Variants in HPGD observed in about 807,000 individuals in gnomAD.
HPGD encodes the protein 15-hydroxyprostaglandin dehydrogenase [NAD(+)].
HPGD carries 29 observed loss-of-function variants against 30.0 expected under a neutral mutation model. The ratio of observed to expected loss-of-function variants is 0.97; its 90% CI spans 0.72 to 1.32. The LOEUF is 1.32. HPGD is among the 40% of genes most tolerant of loss of function. The pLI is 0.00. For synonymous variants in HPGD, 99 were observed against 112.4 expected (o/e 0.88, Z 0.75); for missense variants, 340 against 322.1 (o/e 1.06, Z -0.43).
chr4:174,515,699 G>A (rs1735734998), intron 3 of HPGD, among the ~76,000 whole-genome samples: 1 of 151,914 alleles, frequency 6.6e-6, no homozygotes, highest in South Asian at 2.1e-4. Flanking sequence ...TACAGAACTG[G>A]AGAAAATATT....
At chr4:174,497,089 T>C (rs1403013284) in intron 4 of HPGD, among the ~76,000 whole-genome samples, 2 of 152,196 alleles carry the variant, frequency 1.3e-5, no homozygotes. Flanking sequence ...CTGCTTCTGG[T>C]TCTTGTTAGT....
chr4:174,503,061 C>T (rs1735000618), intron 4 of HPGD, among the ~76,000 whole-genome samples: 3 of 152,190 alleles, frequency 2.0e-5, no homozygotes, highest in Admixed American at 1.3e-4. Flanking sequence ...CCTCTCATTC[C>T]TATGTTAAGA....
At chr4:174,495,432 T>C (rs544265645) in intron 5 of HPGD, 116 bp downstream of exon 5, 12 of 773,740 alleles carry the variant, frequency 1.6e-5, no homozygotes, top group South Asian at 1.1e-4. Context: ...GATGGAGGTA[T>C]GTCATTTTTC....
At chr4:174,500,171 T>A (rs927009599) in intron 4 of HPGD, among the ~76,000 whole-genome samples, 3 of 152,164 alleles carry the variant, frequency 2.0e-5, no homozygotes, top group Non-Finnish European at 4.4e-5. Context: ...ATGATAAATA[T>A]CAGATGTTAT....
intron 2 of HPGD, among the ~76,000 whole-genome samples, chr4:174,521,239 A>C (rs1268012525): frequency 1.3e-5 from 2 of 151,746 alleles, no homozygotes; most frequent in East Asian, 1.9e-4. Flanking sequence ...AAAAAAAAAA[A>C]CAGCTTTATA....
Position 174,492,031 on chromosome 4 carries a change from A to T in HPGD, c.726T>A (p.Ile242=), listed in dbSNP as rs1734364680. 3.1e-6 allele frequency: 5 copies of T among 1,609,512 alleles called. No homozygotes were observed. In the South Asian group the frequency reaches 4.4e-5, roughly 14 times the overall value. The change falls in exon 7 of 7, where the codon ATT becomes ATA. Residue 242 remains isoleucine, a synonymous_variant. Transcript: ENST00000296522. This position sits in a 1 kb window ranked among gnomAD's most constrained non-coding sequence, Gnocchi z 4.9. Reference sequence around the variant, plus strand: ...TTCCCTTAGAAGTTGTGATCTTCATAATAGCACCATTTAAAGCATCATCTT... The same window carrying T: ...TTCCCTTAGAAGTTGTGATCTTCATTATAGCACCATTTAAAGCATCATCTT... ...LIEDDALNGA[I]MKITTSKGIH... is the part of the protein sequence containing the mutation.
chr4:174,520,120 G>A (rs1736022856), intron 2 of HPGD, among the ~76,000 whole-genome samples: 1 of 152,068 alleles, frequency 6.6e-6, no homozygotes, highest in Non-Finnish European at 1.5e-5. Context: ...AAATGAGGGT[G>A]TTAAATATGT....
At chr4:174,504,137 C>T (rs921983990) in intron 4 of HPGD, among the ~76,000 whole-genome samples, 1 of 152,128 alleles carries the variant, frequency 6.6e-6, no homozygotes, top group Admixed American at 6.5e-5. Flanking sequence ...ACTTTAATAT[C>T]TCCATTTCCC....
At chr4:174,499,317 C>T (rs893669835) in intron 4 of HPGD, among the ~76,000 whole-genome samples, 1 of 152,126 alleles carries the variant, frequency 6.6e-6, no homozygotes, top group East Asian at 1.9e-4. Flanking sequence ...TAAACCAGCC[C>T]AGGTAGGAAG....
chr4:174,507,967 C>A, intron 4 of HPGD: 1 of 559,388 alleles, frequency 1.8e-6, no homozygotes, highest in Non-Finnish European at 3.2e-6. Context: ...TTAGGTGAAA[C>A]ATGAGCTCAA....
intron 4 of HPGD, among the ~76,000 whole-genome samples, chr4:174,501,937 G>A (rs11724251): frequency 0.48 from 72,488 of 151,904 alleles, 18,938 homozygotes; most frequent in Non-Finnish European, 0.59. Context: ...CCTCAGACAG[G>A]GCAGTCATAC....
rs947811830 is a variant in HPGD at position 174,496,094 on chromosome 4, A to G, written c.422-470T>C. Among the ~76,000 whole-genome samples, 4 of 152,246 alleles carry G rather than the reference A, an allele frequency of 2.6e-5. No individual in the cohort carries two copies. Among genetic ancestry groups the G allele is most frequent in the African/African-American group, 9.6e-5 (4 of 41,462 alleles). On this transcript the variant is annotated intron_variant, in intron 4 of 6. Transcript: ENST00000296522. This position sits in a 1 kb window ranked among gnomAD's most constrained non-coding sequence, Gnocchi z 4.6. ...AGATTATTAGTCTTCACTACAAATTAGTATGCAATTTCCTGTCACCAATCT... is the reference window on the plus strand; with the variant it reads ...AGATTATTAGTCTTCACTACAAATTGGTATGCAATTTCCTGTCACCAATCT...
chr4:174,521,837 C>A, intron 2 of HPGD, 107 bp downstream of exon 2: 2 of 1,313,884 alleles, frequency 1.5e-6, no homozygotes, highest in South Asian at 2.4e-5. Flanking sequence ...TAGCTGCTCT[C>A]GAGGAGGCAG....
intron 3 of HPGD, among the ~76,000 whole-genome samples, chr4:174,517,485 T>C (rs1735850774): frequency 6.6e-6 from 1 of 152,206 alleles, no homozygotes; most frequent in Non-Finnish European, 1.5e-5. Flanking sequence ...ACAGGATCTT[T>C]TACAAATATT....
chr4:174,498,950 T>G (rs535296911), intron 4 of HPGD, among the ~76,000 whole-genome samples: 10 of 152,316 alleles, frequency 6.6e-5, no homozygotes, highest in Middle Eastern at 3.4e-3. Context: ...GTGGACATTT[T>G]TTAGGAATCC....
chr4:174,509,717 G>A (rs1252418326), intron 3 of HPGD, among the ~76,000 whole-genome samples: 2 of 152,244 alleles, frequency 1.3e-5, no homozygotes, highest in South Asian at 2.1e-4. Flanking sequence ...CCTCAACTCC[G>A]TGTTGTGTGA....
chr4:174,514,250 TAGA>T (rs1261559621), intron 3 of HPGD, among the ~76,000 whole-genome samples: 1 of 152,098 alleles, frequency 6.6e-6, no homozygotes. Flanking sequence ...TACCCTAAAG[TAGA>T]AGAAGATCAC....
At chr4:174,521,913 C>A in intron 2 of HPGD, 31 bp downstream of exon 2, 2 of 1,613,652 alleles carry the variant, frequency 1.2e-6, no homozygotes, top group South Asian at 2.2e-5. Flanking sequence ...AGAGCACGTT[C>A]CCAGTTGACA....
intron 3 of HPGD, among the ~76,000 whole-genome samples, chr4:174,510,597 A>G (rs930412838): frequency 2.6e-5 from 4 of 152,170 alleles, no homozygotes; most frequent in African/African-American, 9.7e-5. Context: ...TAGAAAAGCA[A>G]TATTTATCTT....
Sources: gnomAD v4.1 joint callset for allele counts (sites outside exome capture counted in the v4.1 genomes callset) on GRCh38, gnomAD v4.1.1 for gene constraint, Gnocchi (gnomAD v3.1) non-coding constraint, MANE v1.5 for transcripts, NCBI Gene and HGNC (gene_info 2026-07-23, HGNC 2026-07-21) for gene names.